COL23A1: variants seen among roughly 807,000 people sequenced by gnomAD.
The protein encoded by COL23A1 is collagen alpha-1(XXIII) chain.
Under a neutral mutation model 99.3 loss-of-function variants are expected in COL23A1, and 97 were observed. The observed-to-expected ratio is 0.98, with a 90% CI of 0.83 to 1.16. COL23A1 has a LOEUF of 1.16. Ranked by LOEUF, COL23A1 falls within the 50% of genes most tolerant of loss-of-function variation. The probability of loss-of-function intolerance (pLI) is 0.00; values close to 1 mark genes in which losing one functional copy is unlikely to be tolerated. For synonymous variants in COL23A1, 320 were observed against 308.2 expected (o/e 1.04, Z -0.40); for missense variants, 762 against 757.4 (o/e 1.01, Z -0.07).
intron 2 of COL23A1, among the ~76,000 whole-genome samples, chr5:178,455,546 T>C (rs2647688): frequency 0.33 from 50,934 of 152,138 alleles, 9,000 homozygotes; most frequent in African/African-American, 0.42. Context: ...AATCTCAGCC[T>C]GGGAAGCACC....
At chr5:178,580,422 C>T (rs1029391357) in intron 1 of COL23A1, among the ~76,000 whole-genome samples, 2 of 149,050 alleles carry the variant, frequency 1.3e-5, no homozygotes, top group Non-Finnish European at 3.0e-5. Context: ...CCTATAGCCT[C>T]TAGAAGTACG....
intron 1 of COL23A1, among the ~76,000 whole-genome samples, chr5:178,580,439 C>T (rs952213327): frequency 2.7e-5 from 4 of 150,208 alleles, no homozygotes; most frequent in Admixed American, 1.3e-4. Context: ...TACGCCGACA[C>T]GTGACTTTCA....
intron 2 of COL23A1, among the ~76,000 whole-genome samples, chr5:178,338,950 G>A (rs1378324700): frequency 6.6e-6 from 1 of 152,148 alleles, no homozygotes; most frequent in Non-Finnish European, 1.5e-5. Context: ...CACATCTTAG[G>A]GCTTGGAAAC....
At chr5:178,424,970 G>T (rs953831029) in intron 2 of COL23A1, among the ~76,000 whole-genome samples, 1 of 152,214 alleles carries the variant, frequency 6.6e-6, no homozygotes, top group African/African-American at 2.4e-5. Context: ...TCAGGGAAGC[G>T]AGCGCCCAGG....
intron 2 of COL23A1, among the ~76,000 whole-genome samples, chr5:178,400,426 G>C (rs1002122335): frequency 1.4e-5 from 2 of 146,200 alleles, no homozygotes; most frequent in Admixed American, 1.4e-4. Flanking sequence ...TTGGTGCACC[G>C]TTCTTTGTGT....
At chr5:178,389,061 G>A (rs960632269) in intron 2 of COL23A1, among the ~76,000 whole-genome samples, 1 of 152,048 alleles carries the variant, frequency 6.6e-6, no homozygotes, top group Admixed American at 6.6e-5. Context: ...GGCAATTGAA[G>A]CCTTCATAAC....
intron 1 of COL23A1, among the ~76,000 whole-genome samples, chr5:178,575,458 C>A (rs1352565368): frequency 6.6e-6 from 1 of 152,094 alleles, no homozygotes; most frequent in Non-Finnish European, 1.5e-5. Flanking sequence ...GTTAATTTGC[C>A]GTTCACAACA....
intron 2 of COL23A1, among the ~76,000 whole-genome samples, chr5:178,498,267 T>TAAAAATAA (rs1758338655): frequency 1.0e-5 from 1 of 98,648 alleles, no homozygotes; most frequent in Non-Finnish European, 2.1e-5. Flanking sequence ...TAAAAGAACT[T>TAAAAATAA]AAAAATAAAA....
Position 178,261,764 on chromosome 5 carries a change from A to T in COL23A1, c.676-16T>A, listed in dbSNP as rs561902247. The T allele has an allele frequency of 2.5e-6, 4 of 1,601,540 alleles. No individual in the cohort carries two copies. The Admixed American group carries it at 5.0e-5, about 20-fold the overall frequency. The stretch of plus-strand genomic sequence containing the variant: ...CCTTTGGGCCCTGGAACAAGAGAAG[A>T]GAAGGTGTTAAATGTCATACTGGAG... On this transcript the variant is annotated splice_polypyrimidine_tract_variant and intron_variant, in intron 10 of 28. Transcript: ENST00000390654.
At chr5:178,449,269 C>A (rs1767348367) in intron 2 of COL23A1, among the ~76,000 whole-genome samples, 1 of 152,222 alleles carries the variant, frequency 6.6e-6, no homozygotes. Context: ...CCAACCCTGC[C>A]TGCCCTGTGT....
Position 178,290,373 on chromosome 5 carries a change from C to T in COL23A1, c.407-4G>A. Reference sequence around the variant, plus strand: ...TCCAGGACACTTACTGGAGGACCTGCAAAACACAAGCAGAGAAGCCACAGT... The same window carrying T: ...TCCAGGACACTTACTGGAGGACCTGTAAAACACAAGCAGAGAAGCCACAGT... On this transcript the variant is annotated splice_region_variant and splice_polypyrimidine_tract_variant and intron_variant, in intron 3 of 28. Coordinates refer to ENST00000390654, the MANE Select transcript of COL23A1 (RefSeq NM_173465.4). The T allele has an allele frequency of 6.2e-7, 1 of 1,613,938 alleles. No individual in the cohort carries two copies. Among genetic ancestry groups the T allele is most frequent in the South Asian group, 1.1e-5 (1 of 91,072 alleles).
intron 2 of COL23A1, among the ~76,000 whole-genome samples, chr5:178,393,516 T>C (rs533223947): frequency 1.3e-5 from 2 of 152,332 alleles, no homozygotes; most frequent in South Asian, 4.1e-4. Context: ...GTTAAGATGG[T>C]ACATTTTATG....
At chr5:178,489,363 G>T (rs1420263198) in intron 2 of COL23A1, among the ~76,000 whole-genome samples, 2 of 152,340 alleles carry the variant, frequency 1.3e-5, no homozygotes. Context: ...TCAGACTAGG[G>T]GCTGCACTGT....
intron 2 of COL23A1, among the ~76,000 whole-genome samples, chr5:178,388,848 C>T (rs1321782142): frequency 6.6e-6 from 1 of 152,244 alleles, no homozygotes; most frequent in Non-Finnish European, 1.5e-5. Flanking sequence ...AGGGAGTTTA[C>T]TGCAGGACTT....
intron 2 of COL23A1, among the ~76,000 whole-genome samples, chr5:178,505,163 C>T (rs1051989138): frequency 6.6e-6 from 1 of 152,122 alleles, no homozygotes; most frequent in African/African-American, 2.4e-5. Flanking sequence ...GAAATCGTGG[C>T]GTTCCTTGAC....
chr5:178,506,291 T>C (rs1758866491), intron 2 of COL23A1, among the ~76,000 whole-genome samples: 1 of 152,194 alleles, frequency 6.6e-6, no homozygotes, highest in Non-Finnish European at 1.5e-5. Context: ...CTGACAGTTC[T>C]TTAGGCCTCA....
chr5:178,374,420 C>T (rs377615968), intron 2 of COL23A1, among the ~76,000 whole-genome samples: 1 of 152,192 alleles, frequency 6.6e-6, no homozygotes, highest in African/African-American at 2.4e-5. Context: ...CCACAGACAC[C>T]GTGGACAGCA....
intron 2 of COL23A1, among the ~76,000 whole-genome samples, chr5:178,536,204 C>T (rs1052503821): frequency 1.3e-5 from 2 of 152,250 alleles, no homozygotes; most frequent in Non-Finnish European, 2.9e-5. Context: ...GCTGGGGACG[C>T]GGCTCATGCC....
chr5:178,320,871 T>TGGAGGTCGCATGGGCCC (rs1336994943), intron 2 of COL23A1, among the ~76,000 whole-genome samples: 1 of 152,180 alleles, frequency 6.6e-6, no homozygotes, highest in Non-Finnish European at 1.5e-5. Flanking sequence ...TCTGTGGGCC[T>TGGAGGTCGCATGGGCCC]GGAGGTCGCA....
Sources: gnomAD v4.1 joint callset for allele counts (sites outside exome capture counted in the v4.1 genomes callset) on GRCh38, gnomAD v4.1.1 for gene constraint, MANE v1.5 for transcripts, NCBI Gene and HGNC (gene_info 2026-07-23, HGNC 2026-07-21) for gene names.